PXDNL: variants seen among roughly 807,000 people sequenced by gnomAD.
PXDNL encodes the protein peroxidasin like.
A neutral mutation model predicts 150.8 loss-of-function variants in PXDNL; 145 were observed. That is an observed-to-expected ratio of 0.96 (90% CI 0.84 to 1.10). PXDNL has a LOEUF of 1.10. PXDNL is among the 50% of genes least tolerant of loss of function. The pLI, the probability that PXDNL is intolerant of heterozygous loss-of-function variation, is 0.00. For missense variants in PXDNL, 2,087 were observed against 1,873.9 expected (o/e 1.11, Z -2.10); for synonymous variants, 757 against 725.7 (o/e 1.04, Z -0.69).
intron 21 of PXDNL, among the ~76,000 whole-genome samples, chr8:51,321,376 A>G (rs1230665083): frequency 1.3e-5 from 2 of 152,206 alleles, no homozygotes; most frequent in African/African-American, 4.8e-5. Context: ...AGGCCAATAA[A>G]CCACAGCTAT....
chr8:51,739,438 A>T lies in PXDNL; in HGVS notation c.164+69743T>A, dbSNP rs191398803. ...GTGCAATAAGGCAAGAAAAAGAAATAATAGGCATAAAAATTGGAAAGAAAA... is the reference window on the plus strand; with the variant it reads ...GTGCAATAAGGCAAGAAAAAGAAATTATAGGCATAAAAATTGGAAAGAAAA... On this transcript the variant is annotated intron_variant, in intron 1 of 22. Coordinates refer to ENST00000356297, the MANE Select transcript of PXDNL (RefSeq NM_144651.5). Among the ~76,000 whole-genome samples, 10 of 151,336 alleles carry T rather than the reference A, an allele frequency of 6.6e-5. 2 individuals are homozygous for T. In the South Asian group the frequency reaches 1.7e-3, roughly 25 times the overall value.
At chr8:51,360,661 T>C (rs1806705130) in intron 19 of PXDNL, among the ~76,000 whole-genome samples, 1 of 152,244 alleles carries the variant, frequency 6.6e-6, no homozygotes, top group African/African-American at 2.4e-5. Context: ...CTAAATGTTT[T>C]TCCAGACATA....
At position 51,565,341 on chromosome 8, in the gene PXDNL, G is replaced by A. The variant is rs990259244; in HGVS notation, c.309-8430C>T. Among the ~76,000 whole-genome samples the A allele has an allele frequency of 4.2e-5, 6 of 142,630 alleles. No homozygotes were observed. The East Asian group carries it at 8.0e-4, about 19-fold the overall frequency. The allele number at this position is 142,630 out of a possible 152,430, so 93.6% of individuals were successfully genotyped here. A position where few individuals can be genotyped will look rare whatever the true frequency, so the allele number is the denominator to read the frequency against. ...AAATAAATAGATAGATAGATAGATA[G>A]ATAAATAAATAAATACAGTGCACAG... On this transcript the variant is annotated intron_variant, in intron 3 of 22. Transcript: ENST00000356297.
intron 2 of PXDNL, among the ~76,000 whole-genome samples, chr8:51,603,093 G>A (rs1299129787): frequency 6.6e-6 from 1 of 151,634 alleles, no homozygotes; most frequent in African/African-American, 2.4e-5. Context: ...CAATATTAAT[G>A]TAATTATATG....
chr8:51,509,745 C>T (rs11774540), intron 4 of PXDNL, among the ~76,000 whole-genome samples: 3,557 of 54,118 alleles, frequency 0.066, 93 homozygotes, highest in African/African-American at 0.24. Context: ...CATATATACA[C>T]ACACACACAC....
intron 21 of PXDNL, among the ~76,000 whole-genome samples, chr8:51,327,965 C>A (rs935421830): frequency 6.6e-6 from 1 of 152,216 alleles, no homozygotes; most frequent in East Asian, 1.9e-4. Context: ...GGTGGGAACA[C>A]CCTGATGGTT....
intron 1 of PXDNL, among the ~76,000 whole-genome samples, chr8:51,736,153 T>C (rs991513704): frequency 1.3e-5 from 2 of 152,198 alleles, no homozygotes; most frequent in African/African-American, 4.8e-5. Context: ...TTCAAAATAT[T>C]TATCATTCGC....
intron 3 of PXDNL, among the ~76,000 whole-genome samples, chr8:51,566,638 A>T (rs1439976214): frequency 1.3e-5 from 2 of 151,444 alleles, no homozygotes; most frequent in Non-Finnish European, 3.0e-5. Context: ...AGATGGCCCA[A>T]TTTTATGTGT....
At chr8:51,500,634 A>G (rs1451040087) in intron 4 of PXDNL, among the ~76,000 whole-genome samples, 1 of 152,216 alleles carries the variant, frequency 6.6e-6, no homozygotes, top group East Asian at 1.9e-4. Flanking sequence ...AGTGAAACCA[A>G]CAGTGATATA....
intron 1 of PXDNL, among the ~76,000 whole-genome samples, chr8:51,685,502 C>T (rs1256028760): frequency 1.3e-5 from 2 of 152,228 alleles, no homozygotes; most frequent in African/African-American, 4.8e-5. Context: ...CTCCTAGTCT[C>T]ACCGCTGCCT....
chr8:51,533,818 G>A (rs200176244), intron 4 of PXDNL, among the ~76,000 whole-genome samples: 8,775 of 146,504 alleles, frequency 0.06, 163 homozygotes, highest in East Asian at 0.17. Flanking sequence ...GTGCAGTGGC[G>A]TGATCTCGGC....
At chr8:51,774,068 G>A (rs148282735) in intron 1 of PXDNL, among the ~76,000 whole-genome samples, 1 of 152,182 alleles carries the variant, frequency 6.6e-6, no homozygotes, top group African/African-American at 2.4e-5. Flanking sequence ...ACTTTGAAAT[G>A]AATGTTTTTA....
In PXDNL at chr8:51,409,479, C is replaced by T. The variant is rs1176469974; in HGVS notation, c.2145G>A (p.Leu715=). The T allele has an allele frequency of 1.2e-6, 2 of 1,612,402 alleles. No homozygotes were observed. Among genetic ancestry groups the T allele is most frequent in the East Asian group, 4.5e-5 (2 of 44,766 alleles). Residue 715 remains leucine (L), a synonymous_variant, in exon 17 of 23, where the codon CTG becomes CTA. Coordinates refer to ENST00000356297, the MANE Select transcript of PXDNL (RefSeq NM_144651.5). ...GGAAACACCGGTTGGAGCAGTTTGG[C>T]AGAGGCCTGCGAGCTGTGCATCCAG... ...NLSGCTARRP[L]PNCSNRCFHA...
At chr8:51,414,211 A>G (rs1808732216) in intron 14 of PXDNL, among the ~76,000 whole-genome samples, 1 of 151,784 alleles carries the variant, frequency 6.6e-6, no homozygotes, top group Non-Finnish European at 1.5e-5. Flanking sequence ...TGATAGATAT[A>G]TACATATTAT....
intron 1 of PXDNL, among the ~76,000 whole-genome samples, chr8:51,711,656 T>TA (rs1816501760): frequency 6.6e-6 from 1 of 152,268 alleles, no homozygotes; most frequent in African/African-American, 2.4e-5. Flanking sequence ...TTTGTCAACT[T>TA]ACTTTTGTTA....
intron 3 of PXDNL, among the ~76,000 whole-genome samples, chr8:51,562,977 T>G (rs1299322386): frequency 6.6e-6 from 1 of 151,932 alleles, no homozygotes; most frequent in Non-Finnish European, 1.5e-5. Context: ...GAGGTTGGTT[T>G]GCTCTTGCAA....
At chr8:51,542,612 C>T (rs150055656) in intron 4 of PXDNL, among the ~76,000 whole-genome samples, 8 of 151,748 alleles carry the variant, frequency 5.3e-5, no homozygotes, top group Admixed American at 2.0e-4. Flanking sequence ...AGTTTGAGAC[C>T]AGCCGGACCA....
At chr8:51,330,391 A>T (rs199720666) in intron 21 of PXDNL, among the ~76,000 whole-genome samples, 5 of 61,076 alleles carry the variant, frequency 8.2e-5, no homozygotes, top group East Asian at 4.5e-4. Context: ...GGGCAATATT[A>T]AAAAAAAAAT....
intron 1 of PXDNL, among the ~76,000 whole-genome samples, chr8:51,743,943 A>AAGGAAGGAAG (rs1563306945): frequency 4.9e-4 from 4 of 8,086 alleles, no homozygotes; most frequent in African/African-American, 1.2e-3. Context: ...AAGGAAGGAG[A>AAGGAAGGAAG]GAAAGAGAGA....
Sources: allele counts gnomAD v4.1 joint callset (sites outside exome capture counted in the v4.1 genomes callset), GRCh38; gene constraint gnomAD v4.1.1; transcripts MANE v1.5; gene names NCBI Gene and HGNC (gene_info 2026-07-23, HGNC 2026-07-21).